FHL2: variants seen among roughly 807,000 people sequenced by gnomAD.
The protein encoded by FHL2 is four and a half LIM domains protein 2.
In FHL2, 20 loss-of-function variants were observed where a neutral mutation model predicts 32.7. The observed-to-expected ratio is 0.61, with a 90% CI of 0.43 to 0.89. FHL2 has a LOEUF of 0.89. FHL2 is among the 40% of genes least tolerant of loss of function. FHL2 has a pLI of 0.00. For synonymous variants in FHL2, 123 were observed against 128.1 expected (o/e 0.96, Z 0.27); for missense variants, 311 against 358.6 (o/e 0.87, Z 1.07).
At chr2:105,404,890 T>C (rs1267231623) in intron 1 of FHL2, among the ~76,000 whole-genome samples, 1 of 152,232 alleles carries the variant, frequency 6.6e-6, no homozygotes, top group Non-Finnish European at 1.5e-5. Flanking sequence ...AAAACATGCC[T>C]GACTTTTAGC....
At chr2:105,394,397 G>T (rs975600212) in intron 2 of FHL2, among the ~76,000 whole-genome samples, 11 of 151,160 alleles carry the variant, frequency 7.3e-5, no homozygotes, top group Non-Finnish European at 2.9e-5. Context: ...GTAAGACCCG[G>T]TCTCTAAAAA....
chr2:105,364,993 A>G (rs1210812012), intron 5 of FHL2, among the ~76,000 whole-genome samples: 1 of 152,210 alleles, frequency 6.6e-6, no homozygotes, highest in Non-Finnish European at 1.5e-5. Flanking sequence ...CTTGGTTGCA[A>G]CGTATCCATG....
chr2:105,381,606 C>A (rs962412471), intron 3 of FHL2, among the ~76,000 whole-genome samples: 4 of 152,088 alleles, frequency 2.6e-5, no homozygotes, highest in African/African-American at 9.7e-5. Context: ...ACTGACAGGC[C>A]CTTCTCATGA....
At chr2:105,399,604 C>T (rs1385540750), upstream of FHL2, 2 of 1,529,562 alleles carry the variant, frequency 1.3e-6, no homozygotes, top group Non-Finnish European at 8.7e-7. Flanking sequence ...CCCACCTCTC[C>T]CTCTCGGGGC....
chr2:105,365,850 G>GA (rs1210565876), intron 5 of FHL2, among the ~76,000 whole-genome samples: 7 of 151,028 alleles, frequency 4.6e-5, no homozygotes, highest in African/African-American at 4.9e-5. Context: ...CTCAAAAAAA[G>GA]AAAAAAACAG....
chr2:105,409,586 A>C (rs1452476761), intron 1 of FHL2, among the ~76,000 whole-genome samples: 3 of 152,244 alleles, frequency 2.0e-5, no homozygotes, highest in Non-Finnish European at 4.4e-5. Context: ...GTATGTGCTT[A>C]GGATCAATGC....
rs535364376 is a variant in FHL2 at position 105,363,305 on chromosome 2, C to A, written c.668G>T (p.Gly223Val). ...FCDLYAKKCA[G>V]CTNPISGLGG... ...CTCACCGCTGATGGGGTTGGTGCAC[C>A]CAGCACACTTCTTGGCATACAAGTC... is the stretch of plus-strand genomic sequence containing the variant. Residue 223 changes from glycine to valine, a missense_variant, in exon 6 of 7, where the codon GGG becomes GTG. Transcript: ENST00000530340. 1 of 1,614,074 alleles carries A rather than the reference C, an allele frequency of 6.2e-7. No homozygotes were observed. The highest frequency in any genetic ancestry group is 1.1e-5 in the South Asian group (1 of 91,070).
At chr2:105,370,670 T>C (rs1680998488) in intron 4 of FHL2, among the ~76,000 whole-genome samples, 1 of 152,210 alleles carries the variant, frequency 6.6e-6, no homozygotes, top group South Asian at 2.1e-4. Context: ...CCCATATTCA[T>C]CTTGAATGGG....
Position 105,396,832 on chromosome 2 carries a change from A to C in FHL2, c.-75-135T>G, listed in dbSNP as rs1005679754. 5 of 709,336 alleles carry C rather than the reference A, an allele frequency of 7.0e-6. No individual in the cohort carries two copies. The African/African-American group carries it at 8.9e-5, about 13-fold the overall frequency. 43.9% of individuals were successfully genotyped at this position (709,336 alleles called of 1,614,324 possible). On this transcript the variant is annotated intron_variant, in intron 1 of 6. Transcript: ENST00000530340. ...ATAATAAAACCGCACAGAAGAACCC[A>C]ATGTCTAATGTTTCCATTCACCCAA...
intron 4 of FHL2, among the ~76,000 whole-genome samples, chr2:105,369,387 G>A (rs1680863341): frequency 6.6e-6 from 1 of 152,190 alleles, no homozygotes; most frequent in African/African-American, 2.4e-5. Flanking sequence ...CTGTCCTCCA[G>A]TAATTAGGAA....
At chr2:105,385,477 C>T (rs1682238025) in intron 3 of FHL2, among the ~76,000 whole-genome samples, 5 of 152,188 alleles carry the variant, frequency 3.3e-5, no homozygotes, top group Admixed American at 3.3e-4. Context: ...GCAACGAGAG[C>T]AGAAAAGAGA....
chr2:105,412,716 G>T (rs1054482841), intron 1 of FHL2, among the ~76,000 whole-genome samples: 2 of 152,234 alleles, frequency 1.3e-5, no homozygotes, highest in African/African-American at 4.8e-5. Flanking sequence ...GGCTGAGAAG[G>T]CAGCGTCAAG....
chr2:105,399,131 T>G, upstream of FHL2: 1 of 1,388,972 alleles, frequency 7.2e-7, no homozygotes, highest in Non-Finnish European at 9.3e-7. Context: ...CTCGGCTCGC[T>G]GGCACCGGGC....
chr2:105,373,677 G>T lies in FHL2; in HGVS notation c.213C>A (p.Cys71Ter). 6.2e-7 allele frequency: 1 copy of T among 1,614,196 alleles called. No homozygotes were observed. Among genetic ancestry groups the T allele is most frequent in the Non-Finnish European group, 8.5e-7 (1 of 1,180,022 alleles). Residue 71 changes from cysteine to a stop codon, truncating the protein, a stop_gained, in exon 4 of 7, where the codon TGC becomes TGA. Transcript: ENST00000530340. LOFTEE classifies it high-confidence loss of function. Reference protein sequence around the residue: ...WHEACFHCSQCRNSLVDKPFA... With the variant: ...WHEACFHCSQ ...AGGGCTTGTCCACCAGTGAGTTTCT[G>T]CACTGCGAGCAGTGGAAACAGGCTT...
chr2:105,428,059 A>G (rs1343903956), intron 1 of FHL2, among the ~76,000 whole-genome samples: 1 of 152,226 alleles, frequency 6.6e-6, no homozygotes, highest in Non-Finnish European at 1.5e-5. Context: ...CAAAGGATCA[A>G]AGCAACTGGG....
intron 2 of FHL2, among the ~76,000 whole-genome samples, chr2:105,391,287 GAGAT>G: frequency 6.6e-6 from 1 of 152,304 alleles, no homozygotes; most frequent in Non-Finnish European, 1.5e-5. Context: ...GTGAGGAAAA[GAGAT>G]ATATACCAAA....
intron 1 of FHL2, among the ~76,000 whole-genome samples, chr2:105,418,837 T>G (rs1339918716): frequency 6.6e-6 from 1 of 152,222 alleles, no homozygotes; most frequent in Admixed American, 6.5e-5. Context: ...TACAGCATAT[T>G]GTTATAATTG....
At chr2:105,400,464 A>G (rs4851767), upstream of FHL2, among the ~76,000 whole-genome samples, 131,835 of 151,876 alleles carry the variant, frequency 0.87, 57,257 homozygotes, top group Admixed American at 0.92. Flanking sequence ...AAGTGTCAAG[A>G]CAGGCTAGTA....
At chr2:105,358,673 G>A (rs1421686304), downstream of FHL2, 1 of 152,218 alleles carries the variant, frequency 6.6e-6, no homozygotes, top group Non-Finnish European at 1.5e-5. Flanking sequence ...AATTTTCAGA[G>A]ACTTTGTGTT....
Sources: allele counts gnomAD v4.1 joint callset (sites outside exome capture counted in the v4.1 genomes callset), GRCh38; gene constraint gnomAD v4.1.1; transcripts MANE v1.5; gene names NCBI Gene and HGNC (gene_info 2026-07-23, HGNC 2026-07-21).